Variants in BMX observed in about 807,000 individuals in gnomAD.
BMX encodes BMX non-receptor tyrosine kinase, also known as cytoplasmic tyrosine-protein kinase BMX.
A neutral mutation model predicts 59.2 loss-of-function variants in BMX; 31 were observed. That is an observed-to-expected ratio of 0.52 (90% CI 0.39 to 0.71). BMX has a LOEUF of 0.71. BMX is among the 30% of genes least tolerant of loss of function. BMX has a pLI of 0.00. For synonymous variants in BMX, 185 were observed against 181.0 expected (o/e 1.02, Z -0.18); for missense variants, 474 against 491.7 (o/e 0.96, Z 0.34).
In BMX at chrX:15,549,982, C is replaced by T. The variant is rs759969751; in HGVS notation, c.1938C>T (p.Tyr646=). 6 of 1,201,635 alleles carry T rather than the reference C, an allele frequency of 5.0e-6. No individual in the cohort carries two copies. The highest frequency in any genetic ancestry group is 1.8e-5 in the African/African-American group (1 of 56,626). Reference sequence around the variant, plus strand: ...CGGACACCATCTACCAGATCATGTACAGCTGCTGGCACGAGGCAAGTGTAT... The same window carrying T: ...CGGACACCATCTACCAGATCATGTATAGCTGCTGGCACGAGGCAAGTGTAT... The part of the protein sequence containing the change: ...LASDTIYQIM[Y]SCWHELPEKR... The change falls in exon 18 of 19, where the codon TAC becomes TAT. Residue 646 remains tyrosine (Y), a synonymous_variant. Transcript: ENST00000348343.
At chrX:15,525,568 A>G in intron 8 of BMX, among the ~76,000 whole-genome samples, 1 of 111,998 alleles carries the variant, frequency 8.9e-6, no homozygotes, top group Middle Eastern at 4.6e-3. Flanking sequence ...CCTAGCCAGC[A>G]TCCATGACAT....
chrX:15,504,072 C>A (rs1455802388), intron 1 of BMX, among the ~76,000 whole-genome samples: 2 of 111,625 alleles, frequency 1.8e-5, no homozygotes, highest in African/African-American at 6.5e-5. Flanking sequence ...ATCATAAAAT[C>A]ACTCTCATCC....
intron 14 of BMX, among the ~76,000 whole-genome samples, chrX:15,540,817 C>A (rs2147135613): frequency 9.0e-6 from 1 of 111,110 alleles, no homozygotes; most frequent in African/African-American, 3.3e-5. Context: ...AAGTACATGT[C>A]AATCCAAAAA....
In BMX at chrX:15,548,369, A is replaced by G. The variant is rs1457552271; in HGVS notation, c.1795+1448A>G. The stretch of plus-strand genomic sequence containing the variant: ...CTACTCGAGAGGCTGAGGCACGAGA[A>G]TCGCTTAAACCTGGGAGGCAGAGTT... On this transcript the variant is annotated intron_variant, in intron 17 of 18. Coordinates refer to ENST00000348343, the MANE Select transcript of BMX (RefSeq NM_203281.3). 2.7e-5 allele frequency among the ~76,000 whole-genome samples: 3 copies of G among 111,379 alleles called. No homozygotes were observed. In the East Asian group the frequency reaches 8.5e-4, roughly 31 times the overall value.
At chrX:15,515,070 A>C (rs1393859566) in intron 4 of BMX, among the ~76,000 whole-genome samples, 2 of 106,894 alleles carry the variant, frequency 1.9e-5, no homozygotes, top group Admixed American at 9.8e-5. Flanking sequence ...CAATCACCGC[A>C]TGTTCTCACT....
At chrX:15,517,442 G>A (rs766939095) in intron 5 of BMX, among the ~76,000 whole-genome samples, 10 of 111,800 alleles carry the variant, frequency 8.9e-5, no homozygotes, top group Non-Finnish European at 1.7e-4. Context: ...GGAAGGAGCA[G>A]GAAAAAGGCC....
intron 14 of BMX, among the ~76,000 whole-genome samples, chrX:15,538,213 C>T (rs1409021864): frequency 9.3e-6 from 1 of 107,375 alleles, no homozygotes; most frequent in African/African-American, 3.4e-5. Context: ...CTCTCTCTCT[C>T]TCCCTCTCTC....
At chrX:15,555,963 AT>A in intron 18 of BMX, 109 bp from the exon 19 acceptor site, 1 of 750,433 alleles carries the variant, frequency 1.3e-6, no homozygotes. Flanking sequence ...GTGTTTCCAC[AT>A]TTTAAAAGTT....
intron 6 of BMX, among the ~76,000 whole-genome samples, chrX:15,519,075 C>T (rs928398682): frequency 8.9e-6 from 1 of 111,799 alleles, no homozygotes; most frequent in African/African-American, 3.3e-5. Context: ...TTTTGCTCTA[C>T]TCTCTTGGGT....
At chrX:15,515,715 CT>C (rs749054786) in intron 4 of BMX, among the ~76,000 whole-genome samples, 4 of 110,607 alleles carry the variant, frequency 3.6e-5, no homozygotes, top group African/African-American at 6.6e-5. Context: ...TTATTCAGGC[CT>C]TTTTTTTAGA....
At chrX:15,542,275 G>A (rs1354517546) in intron 15 of BMX, 77 bp downstream of exon 15, 7 of 973,455 alleles carry the variant, frequency 7.2e-6, no homozygotes, top group South Asian at 4.1e-5. Flanking sequence ...GTCACTGGTA[G>A]GGAAGGCAAG....
At chrX:15,521,835 C>T (rs1924471467) in intron 6 of BMX, among the ~76,000 whole-genome samples, 2 of 111,958 alleles carry the variant, frequency 1.8e-5, no homozygotes, top group African/African-American at 6.5e-5. Flanking sequence ...TCTTTTACCA[C>T]GTAAGGTATT....
chrX:15,535,084 G>A (rs1232330668), intron 12 of BMX, among the ~76,000 whole-genome samples: 2 of 111,783 alleles, frequency 1.8e-5, no homozygotes, highest in Admixed American at 9.5e-5. Context: ...CTGAGACAAA[G>A]GCTAAGAATA....
At chrX:15,552,546 C>A (rs1433043580) in intron 18 of BMX, among the ~76,000 whole-genome samples, 3 of 112,085 alleles carry the variant, frequency 2.7e-5, no homozygotes, top group Non-Finnish European at 5.6e-5. Flanking sequence ...TTAGTAGCTC[C>A]TTTTGCTTTG....
intron 7 of BMX, among the ~76,000 whole-genome samples, chrX:15,524,017 T>C (rs1442539612): frequency 1.8e-5 from 2 of 112,455 alleles, no homozygotes; most frequent in African/African-American, 3.2e-5. Flanking sequence ...AGTGCAGCCA[T>C]GATTCTTATC....
At chrX:15,528,657 A>G (rs971826147) in intron 9 of BMX, among the ~76,000 whole-genome samples, 1 of 108,983 alleles carries the variant, frequency 9.2e-6, no homozygotes, top group African/African-American at 3.5e-5. Flanking sequence ...GACCCTGTCA[A>G]AAAACAAAAC....
chrX:15,550,709 CACAA>C (rs1926157451), intron 18 of BMX, among the ~76,000 whole-genome samples: 1 of 87,330 alleles, frequency 1.1e-5, no homozygotes, highest in Admixed American at 1.3e-4. Context: ...CACACACACA[CACAA>C]ATAGGACTGA....
At chrX:15,523,611 T>C (rs1924571853) in intron 7 of BMX, among the ~76,000 whole-genome samples, 1 of 111,688 alleles carries the variant, frequency 9.0e-6, no homozygotes, top group South Asian at 3.7e-4. Context: ...GTTACATTTG[T>C]GCGCCTGCAG....
At chrX:15,527,281 T>G (rs536609354) in intron 9 of BMX, among the ~76,000 whole-genome samples, 83 of 54,415 alleles carry the variant, frequency 1.5e-3, no homozygotes, top group African/African-American at 6.4e-3. Context: ...TATATATATA[T>G]ATACACACAC....
Sources: gnomAD v4.1 joint callset for allele counts (sites outside exome capture counted in the v4.1 genomes callset) on GRCh38, gnomAD v4.1.1 for gene constraint, MANE v1.5 for transcripts, NCBI Gene and HGNC (gene_info 2026-07-23, HGNC 2026-07-21) for gene names.